The following SULT1C2 variants were observed in gnomAD, a reference collection of about 807,000 sequenced individuals.
SULT1C2 encodes the protein sulfotransferase family 1C member 2.
In SULT1C2, 27 loss-of-function variants were observed where a neutral mutation model predicts 36.0. That is an observed-to-expected ratio of 0.75 (90% confidence interval 0.55 to 1.03). The LOEUF is 1.03. SULT1C2 is among the 50% of genes least tolerant of loss of function. SULT1C2 has a pLI of 0.00. For missense variants in SULT1C2, 395 were observed against 359.2 expected (o/e 1.10, Z -0.80); for synonymous variants, 121 against 116.0 (o/e 1.04, Z -0.27).
At chr2:108,304,448 G>T (rs753542331) in intron 4 of SULT1C2, 126 bp from the exon 5 acceptor site, 1 of 1,040,684 alleles carries the variant, frequency 9.6e-7, no homozygotes, top group Non-Finnish European at 1.3e-6. Context: ...AGGCCAAGTC[G>T]CAGGGCCAGC....
At chr2:108,297,755 A>G (rs1676772427) in intron 3 of SULT1C2, among the ~76,000 whole-genome samples, 1 of 152,118 alleles carries the variant, frequency 6.6e-6, no homozygotes, top group Non-Finnish European at 1.5e-5. Context: ...AAAAGAAAAC[A>G]CTGGTCAACT....
chr2:108,307,598 A>G (rs1175684351), intron 7 of SULT1C2, among the ~76,000 whole-genome samples: 1 of 152,216 alleles, frequency 6.6e-6, no homozygotes, highest in Non-Finnish European at 1.5e-5. Flanking sequence ...TTTCTGTTGC[A>G]TAATTTTCTG....
At position 108,305,249 on chromosome 2, in the gene SULT1C2, T is replaced by G; in HGVS notation, c.580T>G (p.Tyr194Asp). The change falls in exon 6 of 8, where the codon TAT becomes GAT. Residue 194 changes from tyrosine to aspartate, a missense_variant. Physicochemically the swap from Tyr to Asp is radical, Grantham distance 160. Coordinates refer to ENST00000251481, the MANE Select transcript of SULT1C2 (RefSeq NM_001056.4). Reference sequence around the variant, plus strand: ...CAGACACCAGATTCTCTTCCTCTTCTATGAGGACATAAAGAGGGTGAGTGA... The same window carrying G: ...CAGACACCAGATTCTCTTCCTCTTCGATGAGGACATAAAGAGGGTGAGTGA... ...KDRHQILFLF[Y>D]EDIKRDPKHE... 1 of 1,614,138 alleles carries G rather than the reference T, an allele frequency of 6.2e-7. No homozygotes were observed. The highest frequency in any genetic ancestry group is 8.5e-7 in the Non-Finnish European group (1 of 1,179,990).
intron 3 of SULT1C2, among the ~76,000 whole-genome samples, chr2:108,297,438 A>T (rs750771369): frequency 6.6e-6 from 1 of 151,986 alleles, no homozygotes; most frequent in Non-Finnish European, 1.5e-5. Flanking sequence ...GGCTGAATTG[A>T]TTTATCCCTC....
chr2:108,303,855 A>C (rs1036052841), intron 4 of SULT1C2: 1 of 152,210 alleles, frequency 6.6e-6, no homozygotes, highest in Non-Finnish European at 1.5e-5. Flanking sequence ...AGTGGATACA[A>C]TCATCCCATC....
At position 108,294,325 on chromosome 2, in the gene SULT1C2, T is replaced by C. The variant is rs1037064021; in HGVS notation, c.248T>C (p.Ile83Thr). 2.5e-6 allele frequency: 4 copies of C among 1,613,934 alleles called. No homozygotes were observed. Among genetic ancestry groups the C allele is most frequent in the Non-Finnish European group, 3.4e-6 (4 of 1,179,888 alleles). ...RAIIQHRHPF[I>T]EWARPPQPSG... Reference sequence around the variant, plus strand: ...ATCATCCAACACCGCCATCCTTTCATTGAGTGGGCTCGGCCACCCCAACCT... The same window carrying C: ...ATCATCCAACACCGCCATCCTTTCACTGAGTGGGCTCGGCCACCCCAACCT... Residue 83 changes from isoleucine to threonine, a missense_variant, in exon 3 of 8, where the codon ATT (isoleucine) becomes ACT (threonine). By Grantham distance (89) the Ile-to-Thr change is moderately conservative (BLOSUM62 -1). Transcript: ENST00000251481.
chr2:108,305,190 T>A lies in SULT1C2; in HGVS notation c.521T>A (p.Phe174Tyr), dbSNP rs1676989743. 6.2e-7 allele frequency: 1 copy of A among 1,614,202 alleles called. No individual in the cohort carries two copies. The highest frequency in any genetic ancestry group is 8.5e-7 in the Non-Finnish European group (1 of 1,180,032). ...INGKVVWGSW[F>Y]DHVKGWWEMK... ...ATTTCAGTGGTTTGGGGTTCCTGGT[T>A]TGACCACGTGAAAGGATGGTGGGAG... The change falls in exon 6 of 8, where the codon TTT becomes TAT. Residue 174 changes from phenylalanine (F) to tyrosine (Y), a missense_variant. Physicochemically the swap from Phe to Tyr is conservative, Grantham distance 22. Coordinates refer to ENST00000251481, the MANE Select transcript of SULT1C2 (RefSeq NM_001056.4).
rs935711904 is a variant in SULT1C2, at chr2:108,304,759, A to C, written c.502+59A>C. 145 of 1,557,618 alleles carry C rather than the reference A, an allele frequency of 9.3e-5. No individual in the cohort carries two copies. In the African/African-American group the frequency reaches 1.9e-3, roughly 20 times the overall value. ...ACTCCAGCTAGGCTGGGTCTAGGGAACCACAGGCAGCATTTTATCCCCTAG... is the reference window on the plus strand; with the variant it reads ...ACTCCAGCTAGGCTGGGTCTAGGGACCCACAGGCAGCATTTTATCCCCTAG... On this transcript the variant is annotated intron_variant, in intron 5 of 7. Transcript: ENST00000251481.
chr2:108,295,904 C>T (rs1243780009), intron 3 of SULT1C2, among the ~76,000 whole-genome samples: 1 of 152,190 alleles, frequency 6.6e-6, no homozygotes, highest in Non-Finnish European at 1.5e-5. Context: ...GGCAATCTTC[C>T]CACCTCAGAC....
Position 108,305,194 on chromosome 2 carries a change from C to T in SULT1C2, c.525C>T (p.Asp175=). ...CAGTGGTTTGGGGTTCCTGGTTTGA[C>T]CACGTGAAAGGATGGTGGGAGATGA... is the stretch of plus-strand genomic sequence containing the variant. The part of the protein sequence containing the change: ...NGKVVWGSWF[D]HVKGWWEMKD... The change falls in exon 6 of 8, where the codon GAC becomes GAT. Residue 175 remains aspartate, a synonymous_variant. Coordinates refer to ENST00000251481, the MANE Select transcript of SULT1C2 (RefSeq NM_001056.4). 1 of 1,614,130 alleles carries T rather than the reference C, an allele frequency of 6.2e-7. No homozygotes were observed. The highest frequency in any genetic ancestry group is 1.7e-5 in the Admixed American group (1 of 60,006).
At chr2:108,305,117 A>G (rs1573254886) in intron 5 of SULT1C2, 55 bp from the exon 6 acceptor site, 2 of 1,598,688 alleles carry the variant, frequency 1.3e-6, no homozygotes, top group Admixed American at 3.4e-5. Context: ...CCTAATACTC[A>G]GAAGGTTTTG....
intron 4 of SULT1C2, chr2:108,303,437 G>T (rs1676940348): frequency 6.6e-6 from 1 of 152,426 alleles, no homozygotes; most frequent in South Asian, 2.1e-4. Context: ...GCAGGCTTGG[G>T]ATTGGCCAGT....
In SULT1C2 at chr2:108,293,828, G is replaced by C. The variant is rs1184833168; in HGVS notation, c.151+10G>C. 1 of 1,611,876 alleles carries C rather than the reference G, an allele frequency of 6.2e-7. No individual in the cohort carries two copies. Among genetic ancestry groups the C allele is most frequent in the South Asian group, 1.1e-5 (1 of 90,570 alleles). Reference sequence around the variant, plus strand: ...ACCTACCCTAAAGCAGGTGATTGCAGGGTAGGAGGGACAGCAAAGACCTGC... The same window carrying C: ...ACCTACCCTAAAGCAGGTGATTGCACGGTAGGAGGGACAGCAAAGACCTGC... On this transcript the variant is annotated intron_variant, in intron 2 of 7. Transcript: ENST00000251481.
chr2:108,299,794 C>T (rs533879619), intron 3 of SULT1C2: 3 of 152,320 alleles, frequency 2.0e-5, no homozygotes, highest in Admixed American at 2.0e-4. Flanking sequence ...TTCAAAATAA[C>T]ATTATTCACA....
chr2:108,293,883 A>G, intron 2 of SULT1C2, 65 bp downstream of exon 2: 2 of 1,564,440 alleles, frequency 1.3e-6, no homozygotes, highest in Non-Finnish European at 8.6e-7. Context: ...CACTTAAGTT[A>G]GAATTCCCCT....
At chr2:108,298,568 G>A (rs1378568660) in intron 3 of SULT1C2, 4 of 250,320 alleles carry the variant, frequency 1.6e-5, no homozygotes, top group Non-Finnish European at 8.0e-6. Flanking sequence ...TTTTTTTAGA[G>A]ACAGGATTTC....
rs144613051 is a variant in SULT1C2 at position 108,298,029 on chromosome 2, T to C, written c.278-2809T>C. On this transcript the variant is annotated intron_variant, in intron 3 of 7. Coordinates refer to ENST00000251481, the MANE Select transcript of SULT1C2 (RefSeq NM_001056.4). ...CCACAGGGCATTAAATCAGGTGTAA[T>C]AGGAAAGAGGAGAGCCGCGAGTACC... Among the ~76,000 whole-genome samples, 358 of 152,274 alleles carry C rather than the reference T, an allele frequency of 2.4e-3. 1 individual carries two copies. The highest frequency in any genetic ancestry group is 7.7e-3 in the African/African-American group (319 of 41,550).
At chr2:108,308,315 T>A in intron 7 of SULT1C2, 37 bp from the exon 8 acceptor site, 1 of 1,568,340 alleles carries the variant, frequency 6.4e-7, no homozygotes. Flanking sequence ...CATCTTTCAA[T>A]CAGAGTGACA....
At position 108,294,292 on chromosome 2, in the gene SULT1C2, A is replaced by T; in HGVS notation, c.215A>T (p.Gln72Leu). The T allele has an allele frequency of 6.2e-7, 1 of 1,614,126 alleles. No homozygotes were observed. Among genetic ancestry groups the T allele is most frequent in the Non-Finnish European group, 8.5e-7 (1 of 1,180,002 alleles). ...CAGAATGGGGACGTGGAGAAGTGCC[A>T]GCGAGCCATCATCCAACACCGCCAT... Reference protein sequence around the residue: ...IEQNGDVEKCQRAIIQHRHPF... With the variant: ...IEQNGDVEKCLRAIIQHRHPF... Residue 72 changes from glutamine to leucine, a missense_variant, in exon 3 of 8, where the codon CAG becomes CTG. By Grantham distance (113) the Gln-to-Leu change is moderately radical. Coordinates refer to ENST00000251481, the MANE Select transcript of SULT1C2 (RefSeq NM_001056.4).
Sources: allele counts gnomAD v4.1 joint callset (sites outside exome capture counted in the v4.1 genomes callset), GRCh38; gene constraint gnomAD v4.1.1; transcripts MANE v1.5; gene names NCBI Gene and HGNC (gene_info 2026-07-23, HGNC 2026-07-21).